The following RAPGEF4 variants were observed in gnomAD, a reference collection of about 807,000 sequenced individuals.
The protein encoded by RAPGEF4 is RAP guanine-nucleotide-exchange factor (GEF) 4.
A neutral mutation model predicts 147.9 loss-of-function variants in RAPGEF4; 66 were observed. The ratio of observed to expected loss-of-function variants is 0.45; its 90% CI spans 0.37 to 0.55. The LOEUF (loss-of-function observed/expected upper bound fraction) is 0.55, where lower values mean the gene tolerates loss of function less well. Among genes scored for constraint, RAPGEF4 ranks in the 20% least tolerant of loss-of-function variants. The pLI is 0.00. For synonymous variants in RAPGEF4, 419 were observed against 442.7 expected (o/e 0.95, Z 0.67); for missense variants, 1,071 against 1,257.3 (o/e 0.85, Z 2.24).
chr2:172,857,665 T>G (rs1193321046), intron 4 of RAPGEF4, among the ~76,000 whole-genome samples: 2 of 152,086 alleles, frequency 1.3e-5, no homozygotes, highest in African/African-American at 4.8e-5. Flanking sequence ...GAGGATCACT[T>G]GAGCCCAGGA....
intron 17 of RAPGEF4, among the ~76,000 whole-genome samples, chr2:173,013,302 A>G (rs1695195954): frequency 6.6e-6 from 1 of 152,178 alleles, no homozygotes; most frequent in African/African-American, 2.4e-5. Flanking sequence ...GCTTTGGGTA[A>G]TGGGAAGAAC....
At chr2:172,921,546 A>G (rs72908291) in intron 5 of RAPGEF4, among the ~76,000 whole-genome samples, 1 of 152,210 alleles carries the variant, frequency 6.6e-6, no homozygotes, top group Non-Finnish European at 1.5e-5. Context: ...AACCACATGT[A>G]AAAATGACCT....
intron 15 of RAPGEF4, among the ~76,000 whole-genome samples, chr2:172,992,630 T>C (rs1388595430): frequency 1.3e-5 from 2 of 152,216 alleles, no homozygotes; most frequent in East Asian, 1.9e-4. Context: ...AAATATAGGT[T>C]TCTTATGAAA....
At chr2:172,775,135 T>C (rs114638965) in intron 1 of RAPGEF4, among the ~76,000 whole-genome samples, 1,575 of 152,226 alleles carry the variant, frequency 0.01, 30 homozygotes, top group African/African-American at 0.035. Flanking sequence ...TTGGCATGGG[T>C]GGGTAGTTAC....
In RAPGEF4 at chr2:172,922,303, G is replaced by C; in HGVS notation, c.537+3G>C. 1.2e-6 allele frequency: 2 copies of C among 1,605,424 alleles called. No homozygotes were observed. Among genetic ancestry groups the C allele is most frequent in the East Asian group, 2.2e-5 (1 of 44,824 alleles). ...TAGGGATTCCTGACAAGGAGAACGT[G>C]AGTAGCTACTCTCTCTGCCTATCTT... On this transcript the variant is annotated splice_donor_region_variant and intron_variant, in intron 6 of 30. Coordinates refer to ENST00000397081, the MANE Select transcript of RAPGEF4 (RefSeq NM_007023.4).
At chr2:172,814,464 A>G in intron 4 of RAPGEF4, 39 bp downstream of exon 4, 1 of 1,607,816 alleles carries the variant, frequency 6.2e-7, no homozygotes, top group Non-Finnish European at 8.5e-7. Context: ...ATGCAGTTTC[A>G]GAAAAGAAAG....
intron 17 of RAPGEF4, among the ~76,000 whole-genome samples, chr2:173,008,071 C>CA (rs1281612568): frequency 6.6e-6 from 1 of 151,238 alleles, no homozygotes; most frequent in East Asian, 1.9e-4. Flanking sequence ...CGGGTGTGGC[C>CA]CCCCCATGCT....
At chr2:172,863,839 A>C (rs776004082) in intron 4 of RAPGEF4, among the ~76,000 whole-genome samples, 1 of 152,214 alleles carries the variant, frequency 6.6e-6, no homozygotes, top group Non-Finnish European at 1.5e-5. Context: ...CCTCGGGTCA[A>C]AGTCATGTAC....
intron 26 of RAPGEF4, among the ~76,000 whole-genome samples, chr2:173,033,495 A>C (rs1697389607): frequency 6.6e-6 from 1 of 152,178 alleles, no homozygotes; most frequent in Non-Finnish European, 1.5e-5. Context: ...AGGGAGGAGG[A>C]GGGTTGAAAG....
intron 4 of RAPGEF4, among the ~76,000 whole-genome samples, chr2:172,896,955 C>T (rs778658091): frequency 1.4e-4 from 21 of 152,070 alleles, no homozygotes; most frequent in Non-Finnish European, 2.6e-4. Flanking sequence ...TGTTCCTGTG[C>T]GGTGAGCGGC....
chr2:172,896,188 T>C (rs1042805559), intron 4 of RAPGEF4, among the ~76,000 whole-genome samples: 14 of 152,248 alleles, frequency 9.2e-5, no homozygotes, highest in Non-Finnish European at 2.1e-4. Flanking sequence ...TGTATTAACC[T>C]TCCTTTTCAG....
chr2:172,914,271 GCAT>G (rs1683782453), intron 4 of RAPGEF4, among the ~76,000 whole-genome samples: 1 of 149,138 alleles, frequency 6.7e-6, no homozygotes, highest in Non-Finnish European at 1.5e-5. Context: ...AGGAGACTCT[GCAT>G]CTGCCCTCTG....
chr2:172,980,317 G>A (rs1184368624), intron 10 of RAPGEF4, among the ~76,000 whole-genome samples: 1 of 152,120 alleles, frequency 6.6e-6, no homozygotes, highest in African/African-American at 2.4e-5. Context: ...AGGAAGAGAT[G>A]GCCAGGAAGC....
intron 5 of RAPGEF4, among the ~76,000 whole-genome samples, chr2:172,920,546 G>C (rs115921251): frequency 0.01 from 1,575 of 152,152 alleles, 13 homozygotes; most frequent in South Asian, 0.02. Flanking sequence ...TCACTCTGCT[G>C]CTTGAAACCT....
rs942649495 is a variant in RAPGEF4, at chr2:172,926,014, G to A, written c.537+3714G>A. ...GAAGGAAGGAAGGGAAAGAAAGGAC[G>A]GAGGGAGGGAGGGAGGGACGGAGGG... is the stretch of plus-strand genomic sequence containing the variant. On this transcript the variant is annotated intron_variant, in intron 6 of 30. Coordinates refer to ENST00000397081, the MANE Select transcript of RAPGEF4 (RefSeq NM_007023.4). Among the ~76,000 whole-genome samples the A allele has an allele frequency of 6.3e-5, 5 of 79,384 alleles. No homozygotes were observed. The East Asian group carries it at 2.2e-3, about 34-fold the overall frequency. 52.1% of individuals were successfully genotyped at this position (79,384 alleles called of 152,430 possible). A position where few individuals can be genotyped will look rare whatever the true frequency, so the allele number is the denominator to read the frequency against.
intron 4 of RAPGEF4, among the ~76,000 whole-genome samples, chr2:172,893,527 T>C (rs1698161671): frequency 6.6e-6 from 1 of 152,178 alleles, no homozygotes; most frequent in Non-Finnish European, 1.5e-5. Flanking sequence ...GCACAAGACT[T>C]TTGATTCAGG....
intron 4 of RAPGEF4, among the ~76,000 whole-genome samples, chr2:172,840,437 A>G (rs543290832): frequency 1.1e-3 from 167 of 152,320 alleles, no homozygotes; most frequent in African/African-American, 3.3e-3. Context: ...CACAACGCCT[A>G]TTCTACCCAT....
chr2:172,978,552 A>G (rs1470849618), intron 10 of RAPGEF4, among the ~76,000 whole-genome samples: 1 of 152,160 alleles, frequency 6.6e-6, no homozygotes, highest in Non-Finnish European at 1.5e-5. Flanking sequence ...CCTGTCCACT[A>G]CTGAGTGTGA....
chr2:172,940,820 C>A (rs1687070606), intron 6 of RAPGEF4, among the ~76,000 whole-genome samples: 1 of 152,154 alleles, frequency 6.6e-6, no homozygotes, highest in African/African-American at 2.4e-5. Flanking sequence ...CTGAGAAGAA[C>A]TGACGTCTTA....
Sources: gnomAD v4.1 joint callset for allele counts (sites outside exome capture counted in the v4.1 genomes callset) on GRCh38, gnomAD v4.1.1 for gene constraint, MANE v1.5 for transcripts, NCBI Gene and HGNC (gene_info 2026-07-23, HGNC 2026-07-21) for gene names.